Variants in CGNL1 observed in about 807,000 individuals in gnomAD.
CGNL1 encodes cingulin-like protein 1.
A neutral mutation model predicts 141.2 loss-of-function variants in CGNL1; 132 were observed. That is an observed-to-expected ratio of 0.93 (90% CI 0.81 to 1.08). CGNL1 has a LOEUF of 1.08. Ranked by LOEUF, CGNL1 falls within the 50% of genes least tolerant of loss-of-function variation. The pLI is 0.00. For missense variants in CGNL1, 1,870 were observed against 1,588.6 expected, an observed-to-expected ratio of 1.18 and a Z score of -3.01; for synonymous variants, 690 against 622.1, an observed-to-expected ratio of 1.11 and a Z score of -1.63.
chr15:57,524,709 G>T lies in CGNL1; in HGVS notation c.2997G>T (p.Glu999Asp). Reference sequence around the variant, plus strand: ...GACAGTTGAAGGAGAAAACGCTGGAGGCAGAAAAGTCCCGACTGACAGCCA... The same window carrying T: ...GACAGTTGAAGGAGAAAACGCTGGATGCAGAAAAGTCCCGACTGACAGCCA... ...MQRQLKEKTL[E>D]AEKSRLTAMK... is the part of the protein sequence containing the mutation. Residue 999 changes from glutamate (E) to aspartate (D), a missense_variant, in exon 12 of 19, where the codon GAG becomes GAT. Coordinates refer to ENST00000281282, the MANE Select transcript of CGNL1 (RefSeq NM_032866.5). 3 of 1,614,202 alleles carry T rather than the reference G, an allele frequency of 1.9e-6. No individual in the cohort carries two copies. The highest frequency in any genetic ancestry group is 1.7e-6 in the Non-Finnish European group (2 of 1,180,036).
At chr15:57,466,205 C>A (rs892436294) in intron 8 of CGNL1, among the ~76,000 whole-genome samples, 4 of 152,134 alleles carry the variant, frequency 2.6e-5, no homozygotes, top group Non-Finnish European at 5.9e-5. Flanking sequence ...TCATAACATG[C>A]TTTTTTCTCT....
chr15:57,525,375 C>G (rs1292525824), intron 12 of CGNL1, among the ~76,000 whole-genome samples: 1 of 152,216 alleles, frequency 6.6e-6, no homozygotes, highest in African/African-American at 2.4e-5. Flanking sequence ...TAATGGAAAG[C>G]CGGAGGCTTC....
In CGNL1 at chr15:57,483,262, A is replaced by G. The variant is rs78840669; in HGVS notation, c.2403+21370A>G. Among the ~76,000 whole-genome samples the G allele has an allele frequency of 9.0e-3, 1,366 of 152,322 alleles. 22 individuals are homozygous for G. The highest frequency in any genetic ancestry group is 0.031 in the African/African-American group (1,297 of 41,572). On this transcript the variant is annotated intron_variant, in intron 8 of 18. Transcript: ENST00000281282. Reference sequence around the variant, plus strand: ...ATCATTTGATTTTGTATTTTCAAGCATACAAGTCCTGTATGTGTTGTGCTA... The same window carrying G: ...ATCATTTGATTTTGTATTTTCAAGCGTACAAGTCCTGTATGTGTTGTGCTA...
intron 4 of CGNL1, among the ~76,000 whole-genome samples, chr15:57,451,075 A>G (rs1299340883): frequency 4.6e-5 from 7 of 152,332 alleles, no homozygotes; most frequent in South Asian, 4.1e-4. Flanking sequence ...TTTGCTAACC[A>G]TTGATTTCCA....
At chr15:57,401,534 T>C (rs573876034) in intron 1 of CGNL1, among the ~76,000 whole-genome samples, 15 of 152,238 alleles carry the variant, frequency 9.9e-5, no homozygotes, top group Non-Finnish European at 1.5e-4. Context: ...TCATAAAATA[T>C]GTTCAATTCA....
At position 57,471,633 on chromosome 15, in the gene CGNL1, T is replaced by TG. The variant is rs574041352; in HGVS notation, c.2403+9748dup. 3.5e-3 allele frequency among the ~76,000 whole-genome samples: 531 copies of TG among 152,188 alleles called. 3 individuals carry two copies. Among genetic ancestry groups the TG allele is most frequent in the African/African-American group, 0.012 (495 of 41,524 alleles). On this transcript the variant is annotated intron_variant, in intron 8 of 18. Transcript: ENST00000281282. ...GTCAGGCTGCCTATGCCTAGCCTTCTGGGGGGGCCTCCTGCTCACCGATGG... is the reference window on the plus strand; with the variant it reads ...GTCAGGCTGCCTATGCCTAGCCTTCTGGGGGGGGCCTCCTGCTCACCGATGG...
intron 1 of CGNL1, among the ~76,000 whole-genome samples, chr15:57,404,904 C>T (rs1451578713): frequency 6.6e-6 from 1 of 152,210 alleles, no homozygotes; most frequent in African/African-American, 2.4e-5. Context: ...TCCAACTATG[C>T]TACTTGCTTT....
intron 6 of CGNL1, 72 bp from the exon 7 acceptor site, chr15:57,453,611 A>G (rs1421103010): frequency 1.3e-6 from 2 of 1,582,188 alleles, no homozygotes; most frequent in Admixed American, 1.7e-5. Context: ...CCCTCTGAAG[A>G]TCAGAAATCA....
intron 8 of CGNL1, among the ~76,000 whole-genome samples, chr15:57,516,328 G>GT (rs1461239779): frequency 6.6e-6 from 1 of 152,100 alleles, no homozygotes; most frequent in Non-Finnish European, 1.5e-5. Flanking sequence ...AACTATCCAA[G>GT]TGTCAGTTTC....
At chr15:57,517,743 C>T (rs1314502301) in intron 9 of CGNL1, among the ~76,000 whole-genome samples, 2 of 152,216 alleles carry the variant, frequency 1.3e-5, no homozygotes, top group African/African-American at 4.8e-5. Flanking sequence ...CAGGAACCTA[C>T]TCCTGTGATG....
intron 14 of CGNL1, among the ~76,000 whole-genome samples, chr15:57,536,350 T>A (rs1259235387): frequency 3.9e-5 from 6 of 152,204 alleles, no homozygotes; most frequent in Non-Finnish European, 8.8e-5. Flanking sequence ...TCTAAGGGCT[T>A]CCTTTACATG....
At chr15:57,430,690 A>G (rs1163561222) in intron 1 of CGNL1, among the ~76,000 whole-genome samples, 1 of 152,158 alleles carries the variant, frequency 6.6e-6, no homozygotes, top group Non-Finnish European at 1.5e-5. Flanking sequence ...GGGCCAGGCC[A>G]TGTGGATCAG....
intron 7 of CGNL1, among the ~76,000 whole-genome samples, chr15:57,458,538 C>T (rs1317711703): frequency 4.6e-5 from 7 of 152,160 alleles, no homozygotes; most frequent in Non-Finnish European, 1.0e-4. Context: ...CAACACAAAA[C>T]ATAGAGATAT....
chr15:57,526,707 G>C (rs1204933653), intron 12 of CGNL1, among the ~76,000 whole-genome samples: 3 of 152,092 alleles, frequency 2.0e-5, no homozygotes, highest in Admixed American at 6.5e-5. Context: ...AAAGTTGTTT[G>C]CTTGCTTATG....
intron 8 of CGNL1, among the ~76,000 whole-genome samples, chr15:57,468,200 C>CT (rs1403552611): frequency 6.8e-6 from 1 of 147,694 alleles, no homozygotes; most frequent in African/African-American, 2.5e-5. Flanking sequence ...TTTTTTCTTC[C>CT]TTTTTTTCTT....
chr15:57,516,178 A>AAAAG (rs1567164377), intron 8 of CGNL1, among the ~76,000 whole-genome samples: 23 of 148,668 alleles, frequency 1.5e-4, no homozygotes, highest in African/African-American at 3.2e-4. Context: ...AAAAAAAAAA[A>AAAAG]AAAGAAAGAA....
chr15:57,387,816 CT>C (rs1339048268), intron 1 of CGNL1, among the ~76,000 whole-genome samples: 1 of 152,212 alleles, frequency 6.6e-6, no homozygotes, highest in South Asian at 2.1e-4. Context: ...TAACCTGTGA[CT>C]TTAATAATAT....
chr15:57,511,792 G>C (rs372328292), intron 8 of CGNL1, among the ~76,000 whole-genome samples: 1 of 152,206 alleles, frequency 6.6e-6, no homozygotes, highest in African/African-American at 2.4e-5. Context: ...AGTGGCAGAG[G>C]AATCGACTAC....
At chr15:57,421,992 G>T (rs1316251579) in intron 1 of CGNL1, among the ~76,000 whole-genome samples, 1 of 151,984 alleles carries the variant, frequency 6.6e-6, no homozygotes. Context: ...TGATCATCAT[G>T]TCTTCTGCCT....
Sources: allele counts gnomAD v4.1 joint callset (sites outside exome capture counted in the v4.1 genomes callset), GRCh38; gene constraint gnomAD v4.1.1; transcripts MANE v1.5; gene names NCBI Gene and HGNC (gene_info 2026-07-23, HGNC 2026-07-21).